Variants in TMEM74B observed in about 807,000 individuals in gnomAD.
TMEM74B encodes transmembrane protein 74B, also known as transmembrane protein C20orf46.
Under a neutral mutation model 6.5 loss-of-function variants are expected in TMEM74B, and 7 were observed. That is an observed-to-expected ratio of 1.07 (90% CI 0.61 to 2.01). The LOEUF (loss-of-function observed/expected upper bound fraction) is 2.01. TMEM74B is among the 30% of genes most tolerant of loss of function. The pLI is 0.00. For missense variants in TMEM74B, 342 were observed against 337.0 expected (o/e 1.01, Z -0.12); for synonymous variants, 151 against 151.6 (o/e 1.00, Z 0.03).
chr20:1,183,388 C>CA (rs920520126), intron 2 of TMEM74B, among the ~76,000 whole-genome samples: 27 of 151,986 alleles, frequency 1.8e-4, no homozygotes, highest in African/African-American at 5.3e-4. Flanking sequence ...GAATGAAACT[C>CA]AAAGAGCCTC....
intron 2 of TMEM74B, among the ~76,000 whole-genome samples, chr20:1,182,836 G>A (rs1196719764): frequency 6.6e-6 from 1 of 152,166 alleles, no homozygotes; most frequent in Non-Finnish European, 1.5e-5. Context: ...TTCCTGGCCT[G>A]TTCATTTGTT....
At chr20:1,185,467 G>A (rs2087000003), upstream of TMEM74B, 1 of 151,442 alleles carries the variant, frequency 6.6e-6, no homozygotes, top group Non-Finnish European at 1.5e-5. Flanking sequence ...GGGACGGAGG[G>A]ACGGGAGAAG....
Position 1,181,018 on chromosome 20 carries a change from T to G in TMEM74B, c.601A>C (p.Lys201Gln). 1 of 1,613,858 alleles carries G rather than the reference T, an allele frequency of 6.2e-7. No individual in the cohort carries two copies. Among genetic ancestry groups the G allele is most frequent in the South Asian group, 1.1e-5 (1 of 91,038 alleles). ...GTCCTCCGGCGGTACAGCTCGCCCT[T>G]GCACAGGGAGACCATGAGCAGCACC... ...LSVLLMVSLC[K>Q]GELYRRRTFV... The change falls in exon 3 of 3, where the codon AAG becomes CAG. Residue 201 changes from lysine (K) to glutamine (Q), a missense_variant. Transcript: ENST00000429036. The surrounding 1 kb of genome is among the most constrained non-coding windows in gnomAD (Gnocchi z 4.9).
At chr20:1,183,296 GTGTGTGTGTGTGTGTGTGTT>G (rs1246945677) in intron 2 of TMEM74B, among the ~76,000 whole-genome samples, 3 of 149,344 alleles carry the variant, frequency 2.0e-5, no homozygotes, top group Non-Finnish European at 3.0e-5. Flanking sequence ...TTCTCTGTGT[GTGTGTGTGTGTGTGTGTGTT>G]TGTGTGTGTG....
chr20:1,183,495 G>A (rs894863650), intron 2 of TMEM74B, among the ~76,000 whole-genome samples: 1 of 152,052 alleles, frequency 6.6e-6, no homozygotes. Flanking sequence ...CCTTTCATGT[G>A]AGTACAAAGC....
chr20:1,180,681 A>T lies in TMEM74B; in HGVS notation c.*167T>A, dbSNP rs1386254597. Reference sequence around the variant, plus strand: ...AGTGGGCTGCTTGCCCGTGTGGGGCATGGGCTGGGCCCCGAGCTCTCCCTC... The same window carrying T: ...AGTGGGCTGCTTGCCCGTGTGGGGCTTGGGCTGGGCCCCGAGCTCTCCCTC... On this transcript the variant is annotated 3_prime_UTR_variant, in exon 3 of 3. Coordinates refer to ENST00000429036, the MANE Select transcript of TMEM74B (RefSeq NM_001304748.2). This position sits in a 1 kb window ranked among gnomAD's most constrained non-coding sequence, Gnocchi z 6.1. The T allele has an allele frequency of 5.6e-6, 5 of 888,856 alleles. No homozygotes were observed. The highest frequency in any genetic ancestry group is 7.9e-6 in the Non-Finnish European group (5 of 636,536). The allele number at this position is 888,856 out of a possible 1,614,324, so 55.1% of individuals were successfully genotyped here.
upstream of TMEM74B, among the ~76,000 whole-genome samples, chr20:1,187,496 G>C (rs778965456): frequency 2.6e-5 from 4 of 152,190 alleles, no homozygotes; most frequent in Non-Finnish European, 4.4e-5. Flanking sequence ...TGGGAGAAAA[G>C]GATAAGTAAA....
upstream of TMEM74B, chr20:1,186,122 C>T (rs1402109525): frequency 1.3e-5 from 2 of 152,320 alleles, no homozygotes; most frequent in Non-Finnish European, 2.9e-5. Flanking sequence ...CCTGGGCACA[C>T]ACCCACTTAC....
intron 2 of TMEM74B, 46 bp downstream of exon 2, chr20:1,183,725 C>G: frequency 6.2e-7 from 1 of 1,610,240 alleles, no homozygotes. Flanking sequence ...GGGTGGAGGA[C>G]AGGAGTTGAA....
chr20:1,183,186 G>A (rs1291345824), intron 2 of TMEM74B, among the ~76,000 whole-genome samples: 1 of 152,204 alleles, frequency 6.6e-6, no homozygotes, highest in Non-Finnish European at 1.5e-5. Context: ...GGTGCAGAGT[G>A]GCTCACATGC....
intron 2 of TMEM74B, among the ~76,000 whole-genome samples, chr20:1,183,332 G>C (rs904744967): frequency 2.6e-5 from 4 of 151,884 alleles, no homozygotes; most frequent in Admixed American, 1.3e-4. Flanking sequence ...GTGTGTGTGT[G>C]TGTAAATATG....
chr20:1,185,720 G>A (rs1251295308), upstream of TMEM74B, among the ~76,000 whole-genome samples: 1 of 152,042 alleles, frequency 6.6e-6, no homozygotes, highest in African/African-American at 2.4e-5. Flanking sequence ...GCGGGCGGGG[G>A]CTGCTGAAGA....
rs372948096 is a variant in TMEM74B at position 1,181,503 on chromosome 20, C to G, written c.116G>C (p.Gly39Ala). The change falls in exon 3 of 3, where the codon GGT becomes GCT. Residue 39 changes from glycine to alanine, a missense_variant. Physicochemically the swap from Gly to Ala is moderately conservative, Grantham distance 60. Transcript: ENST00000429036. The surrounding 1 kb of genome is among the most constrained non-coding windows in gnomAD (Gnocchi z 4.9). ...AGCTGATCTCCTTGGGGCTTGGGGA[C>G]CATTGCTCAGTGTCTTCAGTTCCAG... The part of the protein sequence containing the change: ...PGLELKTLSN[G>A]PQAPRRSAPL... 8 of 1,505,088 alleles carry G rather than the reference C, an allele frequency of 5.3e-6. No individual in the cohort carries two copies. The highest frequency in any genetic ancestry group is 7.1e-6 in the Non-Finnish European group (8 of 1,129,424). 93.2% of individuals were successfully genotyped at this position (1,505,088 alleles called of 1,614,324 possible).
upstream of TMEM74B, among the ~76,000 whole-genome samples, chr20:1,187,683 C>T (rs1205112960): frequency 6.6e-6 from 1 of 152,100 alleles, no homozygotes; most frequent in African/African-American, 2.4e-5. Flanking sequence ...AAGAGAAGTC[C>T]AGCAGAGCGC....
chr20:1,188,420 ACACACAC>A (rs796350688), upstream of TMEM74B, among the ~76,000 whole-genome samples: 850 of 151,650 alleles, frequency 5.6e-3, 5 homozygotes, highest in African/African-American at 0.02. Context: ...CTACACACAC[ACACACAC>A]CACACACCAC....
chr20:1,182,883 G>T (rs1216370481), intron 2 of TMEM74B, among the ~76,000 whole-genome samples: 1 of 152,226 alleles, frequency 6.6e-6, no homozygotes, highest in East Asian at 1.9e-4. Context: ...AAAAGCAAAA[G>T]ATTTTAGATT....
intron 2 of TMEM74B, among the ~76,000 whole-genome samples, chr20:1,183,259 G>A (rs978701354): frequency 1.3e-5 from 2 of 151,784 alleles, no homozygotes; most frequent in African/African-American, 4.9e-5. Flanking sequence ...TCATGCCGGA[G>A]TTTATTCTCC....
Position 1,183,900 on chromosome 20 carries a change from T to C in TMEM74B, c.-99A>G, listed in dbSNP as rs2086948179. ...ACCGTGAGCACCTTGAGAGCAGGCA[T>C]AAGTTTGAATTCCATCTGGGTCCCC... On this transcript the variant is annotated 5_prime_UTR_variant, in exon 2 of 3. The change abolishes an upstream ATG in the 5' untranslated region. Coordinates refer to ENST00000429036, the MANE Select transcript of TMEM74B (RefSeq NM_001304748.2). 2.1e-6 allele frequency: 3 copies of C among 1,429,500 alleles called. No homozygotes were observed. Among genetic ancestry groups the C allele is most frequent in the Non-Finnish European group, 2.9e-6 (3 of 1,031,578 alleles). The allele number at this position is 1,429,500 out of a possible 1,614,324, so 88.6% of individuals were successfully genotyped here. A position where few individuals can be genotyped will look rare whatever the true frequency, so the allele number is the denominator to read the frequency against.
chr20:1,187,345 C>A (rs1308038224), upstream of TMEM74B, among the ~76,000 whole-genome samples: 1 of 152,072 alleles, frequency 6.6e-6, no homozygotes, highest in Non-Finnish European at 1.5e-5. Context: ...CTGCAGTATC[C>A]CCAGACACTA....
Sources: allele counts gnomAD v4.1 joint callset (sites outside exome capture counted in the v4.1 genomes callset), GRCh38; gene constraint gnomAD v4.1.1; non-coding constraint Gnocchi (gnomAD v3.1); transcripts MANE v1.5; gene names NCBI Gene and HGNC (gene_info 2026-07-23, HGNC 2026-07-21).